MAMDC4: variants seen among roughly 807,000 people sequenced by gnomAD.
The protein encoded by MAMDC4 is apical endosomal glycoprotein.
A neutral mutation model predicts 153.3 loss-of-function variants in MAMDC4; 168 were observed. The observed-to-expected ratio is 1.10, with a 90% CI of 0.97 to 1.25. The LOEUF is 1.25. Among genes scored for constraint, MAMDC4 ranks in the 50% most tolerant of loss-of-function variants. The pLI, the probability that MAMDC4 is intolerant of heterozygous loss-of-function variation, is 0.00. For missense variants in MAMDC4, 1,701 were observed against 1,542.8 expected (o/e 1.10, Z -1.72); for synonymous variants, 744 against 651.5 (o/e 1.14, Z -2.16).
In MAMDC4 at chr9:136,860,546, C is replaced by T. The variant is rs1564389952; in HGVS notation, c.3373-16C>T. The T allele has an allele frequency of 6.2e-7, 1 of 1,609,876 alleles. No individual in the cohort carries two copies. Among genetic ancestry groups the T allele is most frequent in the Non-Finnish European group, 8.5e-7 (1 of 1,179,308 alleles). ...CAGGAAAGAAAGAAAAAAAAAGCTCCTCTTCCTCCTCCTAGGATGGTGTCA... is the reference window on the plus strand; with the variant it reads ...CAGGAAAGAAAGAAAAAAAAAGCTCTTCTTCCTCCTCCTAGGATGGTGTCA... On this transcript the variant is annotated splice_polypyrimidine_tract_variant and intron_variant, in intron 26 of 26. Coordinates refer to ENST00000317446, the MANE Select transcript of MAMDC4 (RefSeq NM_206920.3).
chr9:136,857,332 AGG>A (rs1485564050), intron 17 of MAMDC4, 33 bp from the exon 18 acceptor site: 61 of 1,607,742 alleles, frequency 3.8e-5, no homozygotes, highest in Middle Eastern at 1.6e-4. Context: ...AGGACAGGGC[AGG>A]GCCCCTGGCC....
chr9:136,860,168 T>G (rs993113264), intron 26 of MAMDC4, 104 bp downstream of exon 26: 2 of 1,296,464 alleles, frequency 1.5e-6, no homozygotes, highest in East Asian at 5.1e-5. Flanking sequence ...AGCCCCCACC[T>G]GTGCAAGGCC....
chr9:136,855,469 G>GCCCCAGC lies in MAMDC4; in HGVS notation c.1326_1332dup (p.Gln445SerfsTer34). On this transcript the variant is annotated frameshift_variant, in exon 12 of 27. Coordinates refer to ENST00000317446, the MANE Select transcript of MAMDC4 (RefSeq NM_206920.3). LOFTEE classifies it high-confidence loss of function. ...GCAGCCGCTGCCTCCTGGGCCCCGG[G>GCCCCAGC]CCCCAGCCCCCCAGCCCCTGCCGCC... 6.2e-7 allele frequency: 1 copy of GCCCCAGC among 1,607,354 alleles called. No individual in the cohort carries two copies. Among genetic ancestry groups the GCCCCAGC allele is most frequent in the African/African-American group, 1.3e-5 (1 of 74,946 alleles).
At position 136,855,072 on chromosome 9, in the gene MAMDC4, C is replaced by A. The variant is rs372349364; in HGVS notation, c.1159C>A (p.Arg387=). The stretch of plus-strand genomic sequence containing the variant: ...AGGGGAGCTGGGGACCGCCTGGGTC[C>A]GAGACCGTGTTGACATCCAGAGCGC... ...RRGELGTAWV[R]DRVDIQSAYP... The change falls in exon 10 of 27, where the codon CGA becomes AGA. Residue 387 remains arginine, a synonymous_variant. Coordinates refer to ENST00000317446, the MANE Select transcript of MAMDC4 (RefSeq NM_206920.3). 1 of 1,597,658 alleles carries A rather than the reference C, an allele frequency of 6.3e-7. No homozygotes were observed. The highest frequency in any genetic ancestry group is 8.5e-7 in the Non-Finnish European group (1 of 1,173,088).
chr9:136,857,865 T>A, intron 19 of MAMDC4, 69 bp downstream of exon 19: 1 of 1,548,058 alleles, frequency 6.5e-7, no homozygotes, highest in South Asian at 1.2e-5. Context: ...ACCAGCCTTG[T>A]GCTGAGGCCA....
intron 1 of MAMDC4, among the ~76,000 whole-genome samples, 170 bp downstream of exon 1, chr9:136,852,632 C>A (rs1435672237): frequency 6.6e-6 from 1 of 152,206 alleles, no homozygotes; most frequent in African/African-American, 2.4e-5. Context: ...GGAATCAGCC[C>A]ATGGGGTCCT....
chr9:136,854,563 A>T lies in MAMDC4; in HGVS notation c.821A>T (p.Glu274Val). The change falls in exon 8 of 27, where the codon GAG (glutamate) becomes GTG (valine). Residue 274 changes from glutamate (E) to valine (V), a missense_variant. Transcript: ENST00000317446. ...TCGRHIATDF[E>V]TGLGPWNRSE... ...GGCCGCCACATAGCCACCGACTTTG[A>T]GACAGGCCTGGGCCCATGGAACCGC... 2 of 1,607,028 alleles carry T rather than the reference A, an allele frequency of 1.2e-6. No homozygotes were observed. The highest frequency in any genetic ancestry group is 1.7e-6 in the Non-Finnish European group (2 of 1,177,746).
Position 136,853,811 on chromosome 9 carries a change from CGCAGAGACCCTGACCCTGTG to C in MAMDC4, c.496_515del (p.Thr166HisfsTer21), listed in dbSNP as rs762326775. ...AACTGCGGGTGGAGCTGACCCATGG[CGCAGAGACCCTGACCCTGTG>C]GCAGAGCACAGGGCCCTGGGGCCCT... On this transcript the variant is annotated frameshift_variant, in exon 5 of 27. Coordinates refer to ENST00000317446, the MANE Select transcript of MAMDC4 (RefSeq NM_206920.3). LOFTEE classifies it high-confidence loss of function. 7 of 1,612,032 alleles carry C rather than the reference CGCAGAGACCCTGACCCTGTG, an allele frequency of 4.3e-6. No individual in the cohort carries two copies. Among genetic ancestry groups the C allele is most frequent in the Non-Finnish European group, 5.9e-6 (7 of 1,179,596 alleles).
At chr9:136,852,976 C>G (rs1029027102) in intron 1 of MAMDC4, 126 bp from the exon 2 acceptor site, 1 of 755,806 alleles carries the variant, frequency 1.3e-6, no homozygotes, top group African/African-American at 1.7e-5. Flanking sequence ...CCTCCCTGCT[C>G]CATCTCCTGG....
chr9:136,855,687 G>A (rs752843979), intron 12 of MAMDC4, 45 bp from the exon 13 acceptor site: 3 of 1,568,170 alleles, frequency 1.9e-6, no homozygotes, highest in Admixed American at 1.9e-5. Context: ...GGGGCAGGCT[G>A]AGGACTCTGA....
At chr9:136,854,714 C>G (rs1018361678) in intron 8 of MAMDC4, 38 bp downstream of exon 8, 1 of 1,612,026 alleles carries the variant, frequency 6.2e-7, no homozygotes, top group African/African-American at 1.3e-5. Context: ...GCCCTGCCCA[C>G]GCAGCCACAG....
Position 136,857,242 on chromosome 9 carries a change from T to A in MAMDC4, c.2050T>A (p.Trp684Arg). Reference protein sequence around the residue: ...WSRSGTQGNRWHEAWATLSHQ... With the variant: ...WSRSGTQGNRRHEAWATLSHQ... The stretch of plus-strand genomic sequence containing the variant: ...GCGGTCAGGCACCCAGGGCAACCGC[T>A]GGCACGAGGCCTGGGCCACCCTTTC... The change falls in exon 17 of 27, where the codon TGG (tryptophan) becomes AGG (arginine). Residue 684 changes from tryptophan to arginine, a missense_variant. Trp to Arg is a moderately radical substitution (Grantham distance 101). Coordinates refer to ENST00000317446, the MANE Select transcript of MAMDC4 (RefSeq NM_206920.3). 1 of 1,607,430 alleles carries A rather than the reference T, an allele frequency of 6.2e-7. No individual in the cohort carries two copies. The highest frequency in any genetic ancestry group is 8.5e-7 in the Non-Finnish European group (1 of 1,177,594).
At chr9:136,857,610 G>A in intron 18 of MAMDC4, 24 bp downstream of exon 18, 1 of 1,612,504 alleles carries the variant, frequency 6.2e-7, no homozygotes, top group South Asian at 1.1e-5. Context: ...GCAGGGGCAG[G>A]GATTGAGGGG....
rs374699909 is a variant in MAMDC4, at chr9:136,855,776, G to C, written c.1516G>C (p.Ala506Pro). ...CCCCGAGGCTGGGGGCTGGGAGGAC[G>C]CCAGCGTGGGGCGGCTGCAGTGGCG... ...ESPEAGGWED[A>P]SVGRLQWRRV... Residue 506 changes from alanine to proline, a missense_variant, in exon 13 of 27, where the codon GCC becomes CCC. By Grantham distance (27) the Ala-to-Pro change is conservative (BLOSUM62 -1). Transcript: ENST00000317446. 1 of 1,563,708 alleles carries C rather than the reference G, an allele frequency of 6.4e-7. No individual in the cohort carries two copies. Among genetic ancestry groups the C allele is most frequent in the Non-Finnish European group, 8.7e-7 (1 of 1,155,208 alleles).
rs749309218 is a variant in MAMDC4, at chr9:136,859,205, T to C, written c.3085-4T>C. ...CCACACAAACTCCTTTCCTTCTCCATCAGATCGTGTTTGAAGCCACTCTGG... is the reference window on the plus strand; with the variant it reads ...CCACACAAACTCCTTTCCTTCTCCACCAGATCGTGTTTGAAGCCACTCTGG... On this transcript the variant is annotated splice_polypyrimidine_tract_variant and splice_region_variant and intron_variant, in intron 24 of 26. Transcript: ENST00000317446. The C allele has an allele frequency of 6.2e-7, 1 of 1,609,690 alleles. No individual in the cohort carries two copies. The highest frequency in any genetic ancestry group is 1.1e-5 in the South Asian group (1 of 90,684).
chr9:136,852,480 A>C lies in MAMDC4; in HGVS notation c.46+18A>C, dbSNP rs752868201. 4.4e-6 allele frequency: 7 copies of C among 1,608,008 alleles called. No individual in the cohort carries two copies. Among genetic ancestry groups the C allele is most frequent in the Non-Finnish European group, 3.4e-6 (4 of 1,179,658 alleles). ...GTTCCTGGGTAAGTAGTCTGGTCCC[A>C]CTCCTGAGGCAGGACCAGGGGCCCT... On this transcript the variant is annotated intron_variant, in intron 1 of 26. Coordinates refer to ENST00000317446, the MANE Select transcript of MAMDC4 (RefSeq NM_206920.3).
intron 23 of MAMDC4, 22 bp from the exon 24 acceptor site, chr9:136,858,983 C>A: frequency 6.6e-7 from 1 of 1,505,252 alleles, no homozygotes; most frequent in Non-Finnish European, 8.9e-7. Context: ...CCAGGCCTGA[C>A]ACGCCCTGGC....
At position 136,855,781 on chromosome 9, in the gene MAMDC4, C is replaced by A; in HGVS notation, c.1521C>A (p.Ser507Arg). ...AGGCTGGGGGCTGGGAGGACGCCAG[C>A]GTGGGGCGGCTGCAGTGGCGGCGTG... ...SPEAGGWEDA[S>R]VGRLQWRRVS... The change falls in exon 13 of 27, where the codon AGC becomes AGA. Residue 507 changes from serine (S) to arginine (R), a missense_variant. Ser to Arg is a moderately radical substitution (Grantham distance 110). Transcript: ENST00000317446. 6.4e-7 allele frequency: 1 copy of A among 1,560,092 alleles called. No individual in the cohort carries two copies.
In MAMDC4 at chr9:136,853,881, A is replaced by G; in HGVS notation, c.559A>G (p.Thr187Ala). The G allele has an allele frequency of 6.2e-7, 1 of 1,612,574 alleles. No homozygotes were observed. Among genetic ancestry groups the G allele is most frequent in the Non-Finnish European group, 8.5e-7 (1 of 1,179,812 alleles). Residue 187 changes from threonine to alanine, a missense_variant, in exon 5 of 27, where the codon ACA becomes GCA. Thr to Ala is a moderately conservative substitution (Grantham distance 58). Coordinates refer to ENST00000317446, the MANE Select transcript of MAMDC4 (RefSeq NM_206920.3). ...GPGWQELAVT[T>A]GRIRGDFRVT... ...TGGCTGGCAGGAGTTGGCAGTGACC[A>G]CAGGCCGCATCCGGGGTGACTTCCG...
Sources: allele counts gnomAD v4.1 joint callset (sites outside exome capture counted in the v4.1 genomes callset), GRCh38; gene constraint gnomAD v4.1.1; transcripts MANE v1.5; gene names NCBI Gene and HGNC (gene_info 2026-07-23, HGNC 2026-07-21).